The following BTBD9 variants were observed in gnomAD, a reference collection of about 807,000 sequenced individuals.
The protein encoded by BTBD9 is BTB domain containing 9, also known as BTB/POZ domain-containing protein 9.
In BTBD9, 49 loss-of-function variants were observed where a neutral mutation model predicts 64.3. The ratio of observed to expected loss-of-function variants is 0.76; its 90% CI spans 0.61 to 0.97. The LOEUF (loss-of-function observed/expected upper bound fraction) is 0.97, where lower values mean the gene tolerates loss of function less well. Among genes scored for constraint, BTBD9 ranks in the 50% least tolerant of loss-of-function variants. The probability of loss-of-function intolerance (pLI) is 0.00; values close to 1 mark genes in which losing one functional copy is unlikely to be tolerated. For synonymous variants in BTBD9, 260 were observed against 274.7 expected, an observed-to-expected ratio of 0.95 and a Z score of 0.53; for missense variants, 598 against 762.1, an observed-to-expected ratio of 0.78 and a Z score of 2.53.
At chr6:38,286,456 T>C (rs536405726) in intron 8 of BTBD9, among the ~76,000 whole-genome samples, 60 of 152,332 alleles carry the variant, frequency 3.9e-4, no homozygotes, top group African/African-American at 1.4e-3. Context: ...GGAAAGGCAG[T>C]CATGTCTTGC....
intron 9 of BTBD9, among the ~76,000 whole-genome samples, chr6:38,236,802 G>A (rs945374005): frequency 2.6e-5 from 4 of 152,150 alleles, no homozygotes; most frequent in Non-Finnish European, 5.9e-5. Context: ...ATTCAGTTCC[G>A]CATGCAGAAT....
At chr6:38,379,720 A>G (rs1765846605) in intron 6 of BTBD9, among the ~76,000 whole-genome samples, 1 of 152,238 alleles carries the variant, frequency 6.6e-6, no homozygotes, top group Admixed American at 6.5e-5. Flanking sequence ...TTCAGGAAAA[A>G]CAATCAAACA....
chr6:38,209,598 G>A (rs1216553120), intron 9 of BTBD9, among the ~76,000 whole-genome samples: 1 of 152,272 alleles, frequency 6.6e-6, no homozygotes, highest in Admixed American at 6.5e-5. Flanking sequence ...ACCAATTAAC[G>A]CTCAAAACCT....
At chr6:38,418,208 C>A (rs1245004362) in intron 6 of BTBD9, among the ~76,000 whole-genome samples, 7 of 152,084 alleles carry the variant, frequency 4.6e-5, no homozygotes, top group African/African-American at 1.7e-4. Flanking sequence ...ATAAATTACA[C>A]AAAATCACTC....
intron 6 of BTBD9, among the ~76,000 whole-genome samples, chr6:38,469,521 C>T (rs1181532140): frequency 6.6e-6 from 1 of 151,936 alleles, no homozygotes; most frequent in Non-Finnish European, 1.5e-5. Context: ...GGGATTTTAC[C>T]GTGTTAGTCA....
At chr6:38,524,402 A>T (rs958792930) in intron 6 of BTBD9, among the ~76,000 whole-genome samples, 1 of 152,186 alleles carries the variant, frequency 6.6e-6, no homozygotes. Context: ...AAATCCCAGA[A>T]AAAAACTGAG....
chr6:38,220,484 T>A (rs985746380), intron 9 of BTBD9, among the ~76,000 whole-genome samples: 2 of 152,262 alleles, frequency 1.3e-5, no homozygotes, highest in Non-Finnish European at 2.9e-5. Flanking sequence ...TTTGAAAATA[T>A]ACATTTGTAC....
intron 7 of BTBD9, among the ~76,000 whole-genome samples, chr6:38,327,686 C>T (rs1195654260): frequency 6.6e-6 from 1 of 152,212 alleles, no homozygotes; most frequent in Admixed American, 6.5e-5. Context: ...AGCTTTCCAT[C>T]ATCCCCTGCC....
At chr6:38,329,916 G>A (rs901704611) in intron 7 of BTBD9, among the ~76,000 whole-genome samples, 1 of 152,022 alleles carries the variant, frequency 6.6e-6, no homozygotes, top group African/African-American at 2.4e-5. Context: ...TAGCACTATC[G>A]CGCTCCAGCC....
intron 6 of BTBD9, among the ~76,000 whole-genome samples, chr6:38,345,971 T>A (rs533626387): frequency 5.9e-5 from 9 of 152,230 alleles, no homozygotes; most frequent in Non-Finnish European, 8.8e-5. Flanking sequence ...CCATGAGGGA[T>A]GTGCCACACA....
chr6:38,433,210 C>G (rs1768518999), intron 6 of BTBD9, among the ~76,000 whole-genome samples: 1 of 151,862 alleles, frequency 6.6e-6, no homozygotes, highest in Non-Finnish European at 1.5e-5. Context: ...AATGCTTCCC[C>G]TTGAGATTTT....
chr6:38,197,601 C>T (rs939129453), intron 9 of BTBD9, among the ~76,000 whole-genome samples: 5 of 152,154 alleles, frequency 3.3e-5, no homozygotes, highest in Admixed American at 3.3e-4. Context: ...GGGGTGATAA[C>T]AGTACTTACC....
At chr6:38,429,455 CAAA>C (rs201995368) in intron 6 of BTBD9, among the ~76,000 whole-genome samples, 5 of 102,552 alleles carry the variant, frequency 4.9e-5, no homozygotes, top group Admixed American at 2.0e-4. Context: ...GACTACGTCT[CAAA>C]AAAAAAAAAA....
intron 9 of BTBD9, among the ~76,000 whole-genome samples, chr6:38,212,752 C>T (rs117195727): frequency 6.6e-6 from 1 of 152,244 alleles, no homozygotes; most frequent in East Asian, 1.9e-4. Context: ...CAGCTCCTTT[C>T]AGCCTGTGAG....
At chr6:38,236,930 T>C (rs1004505885) in intron 9 of BTBD9, among the ~76,000 whole-genome samples, 4 of 152,244 alleles carry the variant, frequency 2.6e-5, no homozygotes, top group Non-Finnish European at 5.9e-5. Flanking sequence ...AGATGAGAGA[T>C]GGCTGTGCCA....
intron 1 of BTBD9, among the ~76,000 whole-genome samples, chr6:38,628,208 G>C (rs1781711): frequency 0.67 from 102,193 of 151,962 alleles, 35,043 homozygotes; most frequent in African/African-American, 0.82. Flanking sequence ...TAAATAAAAT[G>C]AAAAATAGAG....
At chr6:38,189,379 T>C (rs1311091451) in intron 10 of BTBD9, among the ~76,000 whole-genome samples, 2 of 152,236 alleles carry the variant, frequency 1.3e-5, no homozygotes, top group Admixed American at 1.3e-4. Context: ...TTCTCTAAGA[T>C]AGGTGTTACA....
chr6:38,562,194 C>T (rs879880143), intron 6 of BTBD9, among the ~76,000 whole-genome samples: 8 of 152,248 alleles, frequency 5.3e-5, no homozygotes, highest in South Asian at 2.1e-4. Flanking sequence ...CATCACAATA[C>T]GAAAATATAA....
chr6:38,635,050 T>C (rs1041043980), intron 1 of BTBD9, among the ~76,000 whole-genome samples: 2 of 152,190 alleles, frequency 1.3e-5, no homozygotes, highest in African/African-American at 4.8e-5. Flanking sequence ...ATGCAATTTT[T>C]CAAGCCCCAG....
Sources: gnomAD v4.1 joint callset for allele counts (sites outside exome capture counted in the v4.1 genomes callset) on GRCh38, gnomAD v4.1.1 for gene constraint, MANE v1.5 for transcripts, NCBI Gene and HGNC (gene_info 2026-07-23, HGNC 2026-07-21) for gene names.